Variants in TMEM51 observed in about 807,000 individuals in gnomAD.
The protein encoded by TMEM51 is chromosome 1 open reading frame 72.
TMEM51 carries 8 observed loss-of-function variants against 13.6 expected under a neutral mutation model. The ratio of observed to expected loss-of-function variants is 0.59; its 90% CI spans 0.35 to 1.07. The LOEUF is 1.07. Ranked by LOEUF, TMEM51 falls within the 50% of genes least tolerant of loss-of-function variation. TMEM51 has a pLI of 0.02. For missense variants in TMEM51, 279 were observed against 330.7 expected (o/e 0.84, Z 1.21); for synonymous variants, 147 against 144.4 (o/e 1.02, Z -0.13).
intron 1 of TMEM51, among the ~76,000 whole-genome samples, chr1:15,197,954 CA>C (rs34377131): frequency 0.29 from 27,616 of 95,974 alleles, 2,705 homozygotes; most frequent in Middle Eastern, 0.37. Flanking sequence ...CTATACATGA[CA>C]AAAAAAAAAA....
chr1:15,153,676 C>A (rs1359837446), upstream of TMEM51: 1 of 152,040 alleles, frequency 6.6e-6, no homozygotes, highest in Non-Finnish European at 1.5e-5. Context: ...CTTCTCCGGG[C>A]TGGAGGCCGC....
rs891611673 is a variant in TMEM51, at chr1:15,200,459, C to T, written c.-266-10031C>T. 7.5e-5 allele frequency among the ~76,000 whole-genome samples: 11 copies of T among 147,310 alleles called. 1 individual carries two copies. Among genetic ancestry groups the T allele is most frequent in the South Asian group, 6.6e-4 (3 of 4,562 alleles). On this transcript the variant is annotated intron_variant, in intron 1 of 3. Transcript: ENST00000376008. ...AGAGAGATTAGGACAGAGACACACACGGAGGGACAACCGCGTGAGGACAGA... is the reference window on the plus strand; with the variant it reads ...AGAGAGATTAGGACAGAGACACACATGGAGGGACAACCGCGTGAGGACAGA...
In TMEM51 at chr1:15,204,411, G is replaced by A. The variant is rs534009893; in HGVS notation, c.-266-6079G>A. Among the ~76,000 whole-genome samples the A allele has an allele frequency of 4.6e-5, 7 of 152,326 alleles. No homozygotes were observed. In the East Asian group the frequency reaches 1.2e-3, roughly 25 times the overall value. ...TCTACTAAAAATACAAAAATTAGCC[G>A]GGTGTGGTGGCGCACGCCTGTAATC... On this transcript the variant is annotated intron_variant, in intron 1 of 3. Coordinates refer to ENST00000376008, the MANE Select transcript of TMEM51 (RefSeq NM_001136218.2).
intron 1 of TMEM51, among the ~76,000 whole-genome samples, chr1:15,190,576 G>A (rs1643902691): frequency 2.0e-5 from 3 of 151,982 alleles, no homozygotes; most frequent in Admixed American, 1.3e-4. Flanking sequence ...CCTTGTGGTA[G>A]GCTAAATAAT....
At chr1:15,167,186 G>T (rs1323319206) in intron 1 of TMEM51, among the ~76,000 whole-genome samples, 1 of 151,928 alleles carries the variant, frequency 6.6e-6, no homozygotes, top group South Asian at 2.1e-4. Flanking sequence ...AATTAGCCAG[G>T]CGTGGTGGCG....
intron 1 of TMEM51, among the ~76,000 whole-genome samples, chr1:15,172,799 A>G (rs543738649): frequency 1.3e-5 from 2 of 152,330 alleles, no homozygotes; most frequent in African/African-American, 4.8e-5. Context: ...ATGAAATCTC[A>G]CACTGTCCCA....
Position 15,219,425 on chromosome 1 carries a change from G to A in TMEM51, c.444G>A (p.Glu148=). The change falls in exon 4 of 4, where the codon GAG becomes GAA. Residue 148 remains glutamate (E), a synonymous_variant. Coordinates refer to ENST00000376008, the MANE Select transcript of TMEM51 (RefSeq NM_001136218.2). The part of the protein sequence containing the change: ...MNTNYSEARG[E]EQNPRLSISL... ...CAAACTACTCAGAAGCAAGGGGAGA[G>A]GAGCAGAACCCGAGGTTGAGCATCT... 1 of 1,613,862 alleles carries A rather than the reference G, an allele frequency of 6.2e-7. No individual in the cohort carries two copies. The highest frequency in any genetic ancestry group is 8.5e-7 in the Non-Finnish European group (1 of 1,179,836).
rs752067489 is a variant in TMEM51 at position 15,220,241 on chromosome 1, G to A, written c.*498G>A. ...CACAGGGCTGTTTTATGAACTAAGC[G>A]GTGAGGCTCAGGTGGCGGCTCTCGC... On this transcript the variant is annotated 3_prime_UTR_variant, in exon 4 of 4. Coordinates refer to ENST00000376008, the MANE Select transcript of TMEM51 (RefSeq NM_001136218.2). 1.4e-4 allele frequency: 22 copies of A among 159,456 alleles called. No individual in the cohort carries two copies. Among genetic ancestry groups the A allele is most frequent in the Middle Eastern group, 6.6e-3 (2 of 304 alleles). 9.9% of individuals were successfully genotyped at this position (159,456 alleles called of 1,614,324 possible). A position where few individuals can be genotyped will look rare whatever the true frequency, so the allele number is the denominator to read the frequency against.
intron 1 of TMEM51, among the ~76,000 whole-genome samples, chr1:15,159,797 C>T (rs1351058868): frequency 2.6e-5 from 4 of 152,086 alleles, no homozygotes; most frequent in African/African-American, 7.2e-5. Flanking sequence ...CCTCGTGATC[C>T]GCCTGCCTCG....
At chr1:15,192,389 T>C in intron 1 of TMEM51, 1 of 414,438 alleles carries the variant, frequency 2.4e-6, no homozygotes, top group Non-Finnish European at 4.7e-6. Flanking sequence ...AACTCCTTCT[T>C]GGAATCCTTG....
chr1:15,203,482 C>T (rs1417503100), intron 1 of TMEM51, among the ~76,000 whole-genome samples: 2 of 151,660 alleles, frequency 1.3e-5, no homozygotes, highest in African/African-American at 2.4e-5. Context: ...AGGCTGGTCT[C>T]GAACTCCTGA....
chr1:15,196,672 A>G (rs1051742353), intron 1 of TMEM51, among the ~76,000 whole-genome samples: 6 of 152,212 alleles, frequency 3.9e-5, no homozygotes, highest in Non-Finnish European at 8.8e-5. Flanking sequence ...TTATTGAATT[A>G]AGTGCTTCCA....
rs528916239 is a variant in TMEM51, at chr1:15,154,203, G to A, written c.-267+249G>A. ...GCCTGGCCAGCTGGCCTCGGCTGGGGAAGGCAGCTGGCCTTGGGGGCCCCC... is the reference window on the plus strand; with the variant it reads ...GCCTGGCCAGCTGGCCTCGGCTGGGAAAGGCAGCTGGCCTTGGGGGCCCCC... On this transcript the variant is annotated intron_variant, in intron 1 of 3. Transcript: ENST00000376008. 3.4e-3 allele frequency among the ~76,000 whole-genome samples: 514 copies of A among 152,288 alleles called. 2 individuals carry two copies. The highest frequency in any genetic ancestry group is 0.012 in the African/African-American group (487 of 41,572).
intron 2 of TMEM51, among the ~76,000 whole-genome samples, chr1:15,214,220 C>T (rs966086808): frequency 6.6e-5 from 10 of 151,954 alleles, no homozygotes. Flanking sequence ...AGACTCACCA[C>T]GGTGGTTGCT....
Position 15,195,166 on chromosome 1 carries a change from C to T in TMEM51, c.-266-15324C>T, listed in dbSNP as rs960457568. Among the ~76,000 whole-genome samples the T allele has an allele frequency of 9.9e-5, 15 of 152,122 alleles. No homozygotes were observed. In the East Asian group the frequency reaches 2.9e-3, roughly 29 times the overall value. On this transcript the variant is annotated intron_variant, in intron 1 of 3. Coordinates refer to ENST00000376008, the MANE Select transcript of TMEM51 (RefSeq NM_001136218.2). ...CAGGCTGGTCTCGATTTCCTGAGCT[C>T]AAGCAATCTGCCTACCTCGGCCTCC... is the stretch of plus-strand genomic sequence containing the variant.
chr1:15,191,852 C>T (rs1450810005), intron 1 of TMEM51: 4 of 479,328 alleles, frequency 8.3e-6, no homozygotes, highest in South Asian at 4.6e-5. Context: ...TATTAAACAG[C>T]CAGAAAGCTA....
chr1:15,180,866 G>A (rs564196399), intron 1 of TMEM51, among the ~76,000 whole-genome samples: 23 of 152,226 alleles, frequency 1.5e-4, no homozygotes, highest in Middle Eastern at 3.4e-3. Context: ...CAAGTCCCTC[G>A]CCCAAGGTCA....
Position 15,215,040 on chromosome 1 carries a change from A to G in TMEM51, c.-48A>G, listed in dbSNP as rs1442640947. 9.1e-6 allele frequency: 14 copies of G among 1,536,276 alleles called. No individual in the cohort carries two copies. The highest frequency in any genetic ancestry group is 1.2e-5 in the Non-Finnish European group (14 of 1,134,296). On this transcript the variant is annotated 5_prime_UTR_variant, in exon 3 of 4. In the 5' UTR this introduces an upstream ATG that the reference lacks. Coordinates refer to ENST00000376008, the MANE Select transcript of TMEM51 (RefSeq NM_001136218.2). The stretch of plus-strand genomic sequence containing the variant: ...TTTTGTTGTGACTGCTGCCTTGTAT[A>G]CATTTATTTTCTTTCTTGGAACTGG...
intron 1 of TMEM51, among the ~76,000 whole-genome samples, chr1:15,174,306 G>C (rs1010697320): frequency 2.0e-5 from 3 of 152,132 alleles, no homozygotes; most frequent in Admixed American, 1.3e-4. Context: ...ACAGTGGCTT[G>C]ATCGTGGCTC....
Sources: allele counts gnomAD v4.1 joint callset (sites outside exome capture counted in the v4.1 genomes callset), GRCh38; gene constraint gnomAD v4.1.1; transcripts MANE v1.5; gene names NCBI Gene and HGNC (gene_info 2026-07-23, HGNC 2026-07-21).